Variants in CATSPERB observed in about 807,000 individuals in gnomAD.
CATSPERB encodes cation channel sperm-associated auxiliary subunit beta.
Under a neutral mutation model 128.3 loss-of-function variants are expected in CATSPERB, and 93 were observed. The ratio of observed to expected loss-of-function variants is 0.72; its 90% CI spans 0.61 to 0.86. The LOEUF (loss-of-function observed/expected upper bound fraction) is 0.86, where lower values mean the gene tolerates loss of function less well. Ranked by LOEUF, CATSPERB falls within the 40% of genes least tolerant of loss-of-function variation. The probability of loss-of-function intolerance (pLI) is 0.00; values close to 1 mark genes in which losing one functional copy is unlikely to be tolerated. For missense variants in CATSPERB, 1,153 were observed against 1,329.5 expected (o/e 0.87, Z 2.06); for synonymous variants, 381 against 448.8 (o/e 0.85, Z 1.91).
chr14:91,717,268 CTA>C lies in CATSPERB; in HGVS notation c.370+2148_370+2149del, dbSNP rs112619688. On this transcript the variant is annotated intron_variant, in intron 5 of 26. Coordinates refer to ENST00000256343, the MANE Select transcript of CATSPERB (RefSeq NM_024764.4). ...GACTTTATTGCCTGATGGAACTGTT[CTA>C]TGTCTTGACTGCAGTGCTCACGGTT... Among the ~76,000 whole-genome samples the C allele has an allele frequency of 5.0e-3, 765 of 152,172 alleles. 10 individuals carry two copies. Among genetic ancestry groups the C allele is most frequent in the African/African-American group, 0.017 (716 of 41,528 alleles).
At chr14:91,725,268 G>A (rs1896101918) in intron 2 of CATSPERB, 100 bp from the exon 3 acceptor site, 3 of 492,482 alleles carry the variant, frequency 6.1e-6, no homozygotes, top group Non-Finnish European at 1.0e-5. Flanking sequence ...TAAGGAATAA[G>A]AATTATAATT....
At chr14:91,597,766 G>A (rs1704662) in intron 22 of CATSPERB, among the ~76,000 whole-genome samples, 79,502 of 151,902 alleles carry the variant, frequency 0.52, 21,240 homozygotes, top group Admixed American at 0.65. Flanking sequence ...GGGGCCTGAA[G>A]ATGAGGCTTT....
In CATSPERB at chr14:91,672,022, A is replaced by AAACAAC. The variant is rs35442642; in HGVS notation, c.1128+839_1128+844dup. On this transcript the variant is annotated intron_variant, in intron 13 of 26. Coordinates refer to ENST00000256343, the MANE Select transcript of CATSPERB (RefSeq NM_024764.4). Reference sequence around the variant, plus strand: ...GCAACAGAGGGAGACTCTGTCTCAAAAACAACAACAACAACAACAACAACA... The same window carrying AAACAAC: ...GCAACAGAGGGAGACTCTGTCTCAAAAACAACAACAACAACAACAACAACAACAACA... Among the ~76,000 whole-genome samples, 973 of 150,122 alleles carry AAACAAC rather than the reference A, an allele frequency of 6.5e-3. 7 individuals carry two copies. Among genetic ancestry groups the AAACAAC allele is most frequent in the African/African-American group, 0.011 (439 of 40,854 alleles).
intron 15 of CATSPERB, among the ~76,000 whole-genome samples, chr14:91,644,170 C>T (rs1439490438): frequency 7.5e-6 from 1 of 132,770 alleles, no homozygotes; most frequent in Non-Finnish European, 1.6e-5. Flanking sequence ...ATCCAATTTG[C>T]CAGTCTGTGT....
Position 91,591,939 on chromosome 14 carries a change from C to T in CATSPERB, c.2773G>A (p.Asp925Asn), listed in dbSNP as rs1893412469. 2 of 1,613,954 alleles carry T rather than the reference C, an allele frequency of 1.2e-6. No homozygotes were observed. The highest frequency in any genetic ancestry group is 1.3e-5 in the African/African-American group (1 of 74,908). The change falls in exon 23 of 27, where the codon GAT (aspartate) becomes AAT (asparagine). Residue 925 changes from aspartate (D) to asparagine (N), a missense_variant. By Grantham distance (23) the Asp-to-Asn change is conservative. Transcript: ENST00000256343. ...STREECNCTK[D>N]QKFSHAVAFS... ...GCAACAGCATGTGAAAACTTCTGAT[C>T]CTTTGTGCAGTTACACTCCTCCCGA...
Position 91,691,661 on chromosome 14 carries a change from AAACAAAATTAT to A in CATSPERB, c.832-117_832-107del, listed in dbSNP as rs1895474204. ...GGAAATAAACCATATAAATTCGTTG[AAACAAAATTAT>A]AACTAAATTATATGTTTTTTCTATC... On this transcript the variant is annotated intron_variant, in intron 9 of 26. Transcript: ENST00000256343. 3 of 798,728 alleles carry A rather than the reference AAACAAAATTAT, an allele frequency of 3.8e-6. No homozygotes were observed. The East Asian group carries it at 7.7e-5, about 21-fold the overall frequency. 49.5% of individuals were successfully genotyped at this position (798,728 alleles called of 1,614,324 possible).
chr14:91,628,703 A>G (rs528094978), intron 17 of CATSPERB, among the ~76,000 whole-genome samples: 1 of 152,296 alleles, frequency 6.6e-6, no homozygotes, highest in South Asian at 2.1e-4. Context: ...GCCATGCAGA[A>G]CTGTGAGTCA....
At chr14:91,659,783 C>T (rs1287054289) in intron 15 of CATSPERB, 54 bp downstream of exon 15, 2 of 1,548,572 alleles carry the variant, frequency 1.3e-6, no homozygotes, top group Non-Finnish European at 1.7e-6. Flanking sequence ...TTTCATATAT[C>T]TTCTAATCCT....
At chr14:91,631,430 G>A (rs1303753855) in intron 17 of CATSPERB, among the ~76,000 whole-genome samples, 5 of 152,176 alleles carry the variant, frequency 3.3e-5, no homozygotes, top group South Asian at 2.1e-4. Context: ...TTGGGAGGCC[G>A]AGGCGGGTGG....
intron 5 of CATSPERB, among the ~76,000 whole-genome samples, chr14:91,716,249 AC>A (rs551138592): frequency 5.9e-5 from 9 of 152,234 alleles, no homozygotes; most frequent in Non-Finnish European, 1.2e-4. Flanking sequence ...GCAAATAAGC[AC>A]AAAAAAAGAT....
At chr14:91,681,667 C>T (rs1233624996) in intron 11 of CATSPERB, among the ~76,000 whole-genome samples, 1 of 152,220 alleles carries the variant, frequency 6.6e-6, no homozygotes, top group Admixed American at 6.5e-5. Context: ...TCCTCATACC[C>T]TAGGGGCAAG....
chr14:91,669,226 C>CT (rs1328426659), intron 14 of CATSPERB, among the ~76,000 whole-genome samples: 1 of 152,176 alleles, frequency 6.6e-6, no homozygotes, highest in Non-Finnish European at 1.5e-5. Context: ...TTAGTTCCTT[C>CT]TTTGGAAGTC....
intron 14 of CATSPERB, among the ~76,000 whole-genome samples, chr14:91,665,853 A>T (rs28544979): frequency 0.03 from 4,491 of 152,178 alleles, 232 homozygotes; most frequent in African/African-American, 0.1. Flanking sequence ...TCAAAAACAA[A>T]CTAACAAAAA....
At position 91,580,841 on chromosome 14, in the gene CATSPERB, T is replaced by C. The variant is rs771903034; in HGVS notation, c.*48A>G. The C allele has an allele frequency of 2.7e-5, 38 of 1,399,932 alleles. No homozygotes were observed. Among genetic ancestry groups the C allele is most frequent in the East Asian group, 1.4e-4 (6 of 43,788 alleles). The allele number at this position is 1,399,932 out of a possible 1,614,324, so 86.7% of individuals were successfully genotyped here. ...ACATTTAAATATATTGTTCTAGGAA[T>C]TGGCTGATAAAACTAGAAAATAAAG... On this transcript the variant is annotated 3_prime_UTR_variant, in exon 27 of 27. Coordinates refer to ENST00000256343, the MANE Select transcript of CATSPERB (RefSeq NM_024764.4).
intron 10 of CATSPERB, among the ~76,000 whole-genome samples, chr14:91,690,898 T>C (rs1367540287): frequency 6.6e-6 from 1 of 152,230 alleles, no homozygotes; most frequent in Non-Finnish European, 1.5e-5. Context: ...ATATGGCAAA[T>C]GGCTAGGAAC....
At chr14:91,726,746 G>C (rs541762884) in intron 2 of CATSPERB, among the ~76,000 whole-genome samples, 49 of 152,314 alleles carry the variant, frequency 3.2e-4, no homozygotes, top group African/African-American at 1.2e-3. Flanking sequence ...TCATTCAAGA[G>C]CCCAGAGATC....
chr14:91,697,301 T>A (rs986016058), intron 7 of CATSPERB, among the ~76,000 whole-genome samples: 1 of 152,006 alleles, frequency 6.6e-6, no homozygotes, highest in Non-Finnish European at 1.5e-5. Flanking sequence ...AAAGATGGGC[T>A]CTGAGAATTA....
intron 7 of CATSPERB, among the ~76,000 whole-genome samples, chr14:91,699,318 C>T (rs1394196798): frequency 6.6e-6 from 1 of 152,098 alleles, no homozygotes; most frequent in Non-Finnish European, 1.5e-5. Flanking sequence ...TACATTCCAA[C>T]CAGCAGTGTA....
At chr14:91,697,136 T>C (rs1324141433) in intron 7 of CATSPERB, among the ~76,000 whole-genome samples, 1 of 151,992 alleles carries the variant, frequency 6.6e-6, no homozygotes, top group Non-Finnish European at 1.5e-5. Context: ...GAATTTAGAG[T>C]GAGACTGGTC....
Sources: gnomAD v4.1 joint callset for allele counts (sites outside exome capture counted in the v4.1 genomes callset) on GRCh38, gnomAD v4.1.1 for gene constraint, MANE v1.5 for transcripts, NCBI Gene and HGNC (gene_info 2026-07-23, HGNC 2026-07-21) for gene names.